Variants in TEX11 observed in about 807,000 individuals in gnomAD.
The protein encoded by TEX11 is testis-expressed protein 11.
In TEX11, 7 loss-of-function variants were observed where a neutral mutation model predicts 84.4. The observed-to-expected ratio is 0.08, with a 90% confidence interval of 0.05 to 0.16. The LOEUF (loss-of-function observed/expected upper bound fraction) is 0.16, where lower values mean the gene tolerates loss of function less well. Among genes scored for constraint, TEX11 ranks in the 10% least tolerant of loss-of-function variants. The probability of loss-of-function intolerance (pLI) is 1.00; values close to 1 mark genes in which losing one functional copy is unlikely to be tolerated. For synonymous variants in TEX11, 264 were observed against 222.8 expected (o/e 1.18, Z -1.64); for missense variants, 551 against 660.5 (o/e 0.83, Z 1.82).
downstream of TEX11, among the ~76,000 whole-genome samples, chrX:70,524,598 G>C (rs1044132601): frequency 8.9e-6 from 1 of 112,414 alleles, no homozygotes; most frequent in African/African-American, 3.2e-5. Flanking sequence ...ATGGAGTTTC[G>C]CTCGTTGCCC....
At chrX:70,576,350 T>C (rs1425681646) in intron 25 of TEX11, among the ~76,000 whole-genome samples, 1 of 112,321 alleles carries the variant, frequency 8.9e-6, no homozygotes, top group Non-Finnish European at 1.9e-5. Flanking sequence ...ACTGACATAC[T>C]GGGCTCATTA....
At chrX:70,674,879 G>A (rs746413565) in intron 15 of TEX11, among the ~76,000 whole-genome samples, 18 of 108,461 alleles carry the variant, frequency 1.7e-4, no homozygotes, top group Admixed American at 1.1e-3. Context: ...TTTTTGATCC[G>A]TCTTTCCTTT....
intron 9 of TEX11, among the ~76,000 whole-genome samples, chrX:70,800,952 C>G (rs2091184260): frequency 9.0e-6 from 1 of 111,254 alleles, no homozygotes; most frequent in Admixed American, 9.6e-5. Context: ...AAATTATAGG[C>G]TTAATTTTTC....
At chrX:70,701,054 CG>C (rs1461282015) in intron 13 of TEX11, among the ~76,000 whole-genome samples, 1 of 111,598 alleles carries the variant, frequency 9.0e-6, no homozygotes, top group Non-Finnish European at 1.9e-5. Flanking sequence ...AAGCTGTCTC[CG>C]TAACATAAAA....
intron 8 of TEX11, among the ~76,000 whole-genome samples, chrX:70,822,625 T>C (rs2147823150): frequency 9.0e-6 from 1 of 111,471 alleles, no homozygotes; most frequent in Admixed American, 9.6e-5. Context: ...GAAGAGTAAC[T>C]TTTTTTCACA....
At chrX:70,842,001 C>A (rs2091448204) in intron 7 of TEX11, among the ~76,000 whole-genome samples, 2 of 111,213 alleles carry the variant, frequency 1.8e-5, no homozygotes, top group African/African-American at 6.5e-5. Flanking sequence ...AGCTTACCAA[C>A]CAAAAAAAGT....
chrX:70,728,047 C>T (rs927715711), intron 11 of TEX11, among the ~76,000 whole-genome samples: 2 of 112,682 alleles, frequency 1.8e-5, no homozygotes, highest in East Asian at 2.8e-4. Flanking sequence ...TCCTTTCATT[C>T]AAATCATGTT....
chrX:70,629,680 A>AG lies in TEX11; in HGVS notation c.1538_1539insC (p.Asn514Ter). On this transcript the variant is annotated frameshift_variant, in exon 18 of 30. Coordinates refer to ENST00000374333, the MANE Select transcript of TEX11 (RefSeq NM_031276.3). LOFTEE classifies it high-confidence loss of function. Reference sequence around the variant, plus strand: ...AACCTCTCTCTGCAACTAGATCATTATCTTCTGACTCTTCATCTGTTAATA... The same window carrying AG: ...AACCTCTCTCTGCAACTAGATCATTAGTCTTCTGACTCTTCATCTGTTAATA... 4 of 1,194,883 alleles carry AG rather than the reference A, an allele frequency of 3.3e-6. No homozygotes were observed. The highest frequency in any genetic ancestry group is 4.5e-6 in the Non-Finnish European group (4 of 881,125).
At chrX:70,752,457 G>C (rs775509082) in intron 9 of TEX11, among the ~76,000 whole-genome samples, 3 of 102,328 alleles carry the variant, frequency 2.9e-5, no homozygotes, top group South Asian at 9.4e-4. Flanking sequence ...CCCGGGGGGC[G>C]GAGATTGCAG....
At chrX:70,857,617 C>A in intron 5 of TEX11, 1 of 289,243 alleles carries the variant, frequency 3.5e-6, no homozygotes, top group South Asian at 3.7e-5. Context: ...CCAGTGATGG[C>A]AATAAGAAAA....
Position 70,806,752 on chromosome X carries a change from T to C in TEX11, c.645A>G (p.Val215=). The C allele has an allele frequency of 2.5e-6, 3 of 1,189,514 alleles. No individual in the cohort carries two copies. Among genetic ancestry groups the C allele is most frequent in the Non-Finnish European group, 3.4e-6 (3 of 880,826 alleles). ...SLHHLCYNFG[V]ETQKNNKYEE... ...CATATTTATTATTCTTCTGGGTTTCTACTCCAAAGTTGTAACAGAGATGAT... is the reference window on the plus strand; with the variant it reads ...CATATTTATTATTCTTCTGGGTTTCCACTCCAAAGTTGTAACAGAGATGAT... Residue 215 remains valine (V), a synonymous_variant, in exon 9 of 30, where the codon GTA becomes GTG. Transcript: ENST00000374333.
intron 28 of TEX11, among the ~76,000 whole-genome samples, chrX:70,548,785 G>C (rs1212365405): frequency 1.8e-5 from 2 of 112,035 alleles, no homozygotes; most frequent in African/African-American, 6.5e-5. Flanking sequence ...TTGCCACTGA[G>C]AGCTAAAGTG....
intron 21 of TEX11, among the ~76,000 whole-genome samples, chrX:70,610,275 G>A (rs1225198970): frequency 9.1e-6 from 1 of 109,713 alleles, no homozygotes; most frequent in East Asian, 2.9e-4. Flanking sequence ...AAACAAATAG[G>A]AATTAAAACA....
At position 70,629,602 on chromosome X, in the gene TEX11, A is replaced by G. The variant is rs2089486146; in HGVS notation, c.1608+9T>C. 1 of 1,207,581 alleles carries G rather than the reference A, an allele frequency of 8.3e-7. No individual in the cohort carries two copies. The highest frequency in any genetic ancestry group is 1.8e-5 in the South Asian group (1 of 56,134). ...ATAAAAATCTAGTAGATGAATACAT[A>G]TGAATTACCTCTAGAGCAAACTGGG... is the stretch of plus-strand genomic sequence containing the variant. On this transcript the variant is annotated intron_variant, in intron 18 of 29. Transcript: ENST00000374333.
intron 4 of TEX11, among the ~76,000 whole-genome samples, chrX:70,868,062 A>G (rs955159883): frequency 8.9e-6 from 1 of 112,037 alleles, no homozygotes; most frequent in Non-Finnish European, 1.9e-5. Flanking sequence ...TGCACAGGAA[A>G]AGAAACTATC....
At chrX:70,641,602 G>T (rs1026412851) in intron 17 of TEX11, among the ~76,000 whole-genome samples, 1 of 111,426 alleles carries the variant, frequency 9.0e-6, no homozygotes, top group South Asian at 3.8e-4. Flanking sequence ...CTAGAACTCA[G>T]GATTAAGAAT....
At chrX:70,818,424 C>A (rs2091301381) in intron 8 of TEX11, among the ~76,000 whole-genome samples, 1 of 111,608 alleles carries the variant, frequency 9.0e-6, no homozygotes, top group African/African-American at 3.3e-5. Flanking sequence ...TCACCCCATG[C>A]CCTAGGCCAG....
chrX:70,722,724 A>G (rs371910677), intron 12 of TEX11, 28 bp from the exon 13 acceptor site: 65 of 1,080,639 alleles, frequency 6.0e-5, no homozygotes, highest in Admixed American at 1.4e-4. Context: ...TGAAATAATT[A>G]TCAGTTTAAT....
chrX:70,888,074 T>C (rs771691652), intron 2 of TEX11, among the ~76,000 whole-genome samples: 15 of 113,181 alleles, frequency 1.3e-4, no homozygotes, highest in African/African-American at 4.2e-4. Flanking sequence ...TCTTTTCATA[T>C]ATCTGGAAAG....
Sources: gnomAD v4.1 joint callset for allele counts (sites outside exome capture counted in the v4.1 genomes callset) on GRCh38, gnomAD v4.1.1 for gene constraint, MANE v1.5 for transcripts, NCBI Gene and HGNC (gene_info 2026-07-23, HGNC 2026-07-21) for gene names.